PDCL2: variants seen among roughly 807,000 people sequenced by gnomAD.
PDCL2 encodes the protein phosducin-like protein 2.
A neutral mutation model predicts 30.3 loss-of-function variants in PDCL2; 23 were observed. The ratio of observed to expected loss-of-function variants is 0.76; its 90% confidence interval spans 0.55 to 1.08. The LOEUF (loss-of-function observed/expected upper bound fraction) is 1.08, where lower values mean the gene tolerates loss of function less well. Ranked by LOEUF, PDCL2 falls within the 50% of genes least tolerant of loss-of-function variation. The pLI, the probability that PDCL2 is intolerant of heterozygous loss-of-function variation, is 0.00. For missense variants in PDCL2, 243 were observed against 282.3 expected (o/e 0.86, Z 1.00); for synonymous variants, 68 against 86.2 (o/e 0.79, Z 1.17).
intron 4 of PDCL2, among the ~76,000 whole-genome samples, chr4:55,566,128 C>T (rs1732261069): frequency 6.6e-6 from 1 of 151,764 alleles, no homozygotes; most frequent in Non-Finnish European, 1.5e-5. Flanking sequence ...TATAGGGACA[C>T]ATCACCATGC....
chr4:55,562,993 CCAT>C (rs1488483875), intron 4 of PDCL2, among the ~76,000 whole-genome samples: 1 of 151,984 alleles, frequency 6.6e-6, no homozygotes, highest in Non-Finnish European at 1.5e-5. Flanking sequence ...ACCCTTGCTG[CCAT>C]CATGAGCTTC....
intron 5 of PDCL2, 81 bp downstream of exon 5, chr4:55,562,323 A>G (rs1732154516): frequency 1.0e-6 from 1 of 958,644 alleles, no homozygotes; most frequent in African/African-American, 1.7e-5. Context: ...CCTTGGTACT[A>G]AGGAAGTAAG....
Position 55,562,709 on chromosome 4 carries a change from T to C in PDCL2, c.363-97A>G, listed in dbSNP as rs1030179791. ...ATATCGCCATGGCAAAAATATATCT[T>C]AGATTAATATAAAAGCACATTATTA... On this transcript the variant is annotated intron_variant, in intron 4 of 5. Coordinates refer to ENST00000295645, the MANE Select transcript of PDCL2 (RefSeq NM_152401.3). The C allele has an allele frequency of 6.7e-6, 5 of 748,334 alleles. No individual in the cohort carries two copies. The Admixed American group carries it at 1.5e-4, about 22-fold the overall frequency. The allele number at this position is 748,334 out of a possible 1,614,324, so 46.4% of individuals were successfully genotyped here.
At chr4:55,572,808 C>T (rs1054547945) in intron 3 of PDCL2, among the ~76,000 whole-genome samples, 6 of 152,010 alleles carry the variant, frequency 3.9e-5, no homozygotes, top group African/African-American at 7.3e-5. Context: ...TCGCCCAGGC[C>T]GGAGTGCAGT....
chr4:55,582,301 T>C (rs1158762090), intron 1 of PDCL2, 64 bp from the exon 2 acceptor site: 1 of 1,461,134 alleles, frequency 6.8e-7, no homozygotes, highest in Non-Finnish European at 9.1e-7. Context: ...ATTTGGAAAA[T>C]TCATTAAGAT....
At chr4:55,571,471 A>AGGGCAGGAGATCGAGACCATCCTG (rs1291701184) in intron 3 of PDCL2, among the ~76,000 whole-genome samples, 8 of 150,172 alleles carry the variant, frequency 5.3e-5, no homozygotes, top group Admixed American at 3.4e-4. Context: ...GCAGATCACG[A>AGGGCAGGAGATCGAGACCATCCTG]GGGCAGGAGA....
intron 4 of PDCL2, among the ~76,000 whole-genome samples, chr4:55,563,013 T>C (rs769755791): frequency 1.3e-5 from 2 of 152,138 alleles, no homozygotes; most frequent in Non-Finnish European, 2.9e-5. Flanking sequence ...CTTCTTTCCA[T>C]GTAATGAGTT....
chr4:55,589,651 A>G (rs1732949297), intron 1 of PDCL2, among the ~76,000 whole-genome samples: 1 of 152,218 alleles, frequency 6.6e-6, no homozygotes, highest in African/African-American at 2.4e-5. Flanking sequence ...TTCCACCTCA[A>G]ATAATTTTCT....
intron 1 of PDCL2, among the ~76,000 whole-genome samples, chr4:55,590,416 G>A (rs1374546581): frequency 7.1e-6 from 1 of 140,032 alleles, no homozygotes; most frequent in Admixed American, 7.5e-5. Context: ...GGTTGATCAT[G>A]TCACTGCACT....
chr4:55,560,447 A>G (rs546756670), intron 5 of PDCL2, among the ~76,000 whole-genome samples: 2 of 152,254 alleles, frequency 1.3e-5, no homozygotes, highest in South Asian at 4.1e-4. Flanking sequence ...CATCTCTACT[A>G]TAAAATTTTT....
chr4:55,560,518 A>C (rs1176889259), intron 5 of PDCL2, among the ~76,000 whole-genome samples: 1 of 152,106 alleles, frequency 6.6e-6, no homozygotes, highest in Non-Finnish European at 1.5e-5. Flanking sequence ...AGGAGGCTAA[A>C]GTGGGAGGAT....
chr4:55,573,779 G>A (rs1732491339), intron 3 of PDCL2, among the ~76,000 whole-genome samples: 1 of 151,370 alleles, frequency 6.6e-6, no homozygotes, highest in Non-Finnish European at 1.5e-5. Flanking sequence ...AAACAGACAT[G>A]ATAGTGAACA....
intron 3 of PDCL2, among the ~76,000 whole-genome samples, chr4:55,571,566 G>A (rs1415777176): frequency 6.1e-5 from 5 of 81,376 alleles, no homozygotes; most frequent in African/African-American, 1.2e-4. Flanking sequence ...GGGCGCCTGT[G>A]GTCCCAGCTA....
At chr4:55,562,769 T>C (rs1255580073) in intron 4 of PDCL2, among the ~76,000 whole-genome samples, 157 bp from the exon 5 acceptor site, 1 of 152,180 alleles carries the variant, frequency 6.6e-6, no homozygotes, top group Non-Finnish European at 1.5e-5. Context: ...AATGAAGAAC[T>C]GTATGTAGAG....
chr4:55,592,114 C>A lies in PDCL2; in HGVS notation c.-5G>T. 6.2e-7 allele frequency: 1 copy of A among 1,609,242 alleles called. No individual in the cohort carries two copies. The highest frequency in any genetic ancestry group is 1.3e-5 in the African/African-American group (1 of 74,878). On this transcript the variant is annotated 5_prime_UTR_variant, in exon 1 of 6. Coordinates refer to ENST00000295645, the MANE Select transcript of PDCL2 (RefSeq NM_152401.3). Reference sequence around the variant, plus strand: ...GGTCCCGACCCTCACCTGCATGATGCGCTGCTCTGCCCCTCAAGAGCCCGC... The same window carrying A: ...GGTCCCGACCCTCACCTGCATGATGAGCTGCTCTGCCCCTCAAGAGCCCGC...
intron 4 of PDCL2, among the ~76,000 whole-genome samples, chr4:55,568,919 G>A (rs1299078460): frequency 6.6e-6 from 1 of 152,076 alleles, no homozygotes; most frequent in Non-Finnish European, 1.5e-5. Flanking sequence ...TCAACAAGTT[G>A]AATACATAGT....
chr4:55,583,108 T>C (rs1732770121), intron 1 of PDCL2, among the ~76,000 whole-genome samples: 1 of 152,124 alleles, frequency 6.6e-6, no homozygotes, highest in African/African-American at 2.4e-5. Context: ...CCTGAGTAGC[T>C]GAGACTACAG....
At chr4:55,590,121 C>T (rs568973206) in intron 1 of PDCL2, among the ~76,000 whole-genome samples, 140 of 122,574 alleles carry the variant, frequency 1.1e-3, no homozygotes, top group African/African-American at 3.7e-3. Context: ...TGCTTGAACC[C>T]GGGAGGTGGA....
At position 55,556,631 on chromosome 4, in the gene PDCL2, T is replaced by G; in HGVS notation, c.652A>C (p.Met218Leu). Residue 218 changes from methionine (M) to leucine (L), a missense_variant, in exon 6 of 6, where the codon ATG becomes CTG. Transcript: ENST00000295645. ...GAAGTGTTTCTAATTGAAGATACCA[T>G]CATATCTACCATGTCTTTTCTGGGG... Reference protein sequence around the residue: ...ENPRKDMVDMMVSSIRNTSIH... With the variant: ...ENPRKDMVDMLVSSIRNTSIH... 6.4e-7 allele frequency: 1 copy of G among 1,573,800 alleles called. No individual in the cohort carries two copies. Among genetic ancestry groups the G allele is most frequent in the Non-Finnish European group, 8.6e-7 (1 of 1,156,608 alleles).
Sources: allele counts gnomAD v4.1 joint callset (sites outside exome capture counted in the v4.1 genomes callset), GRCh38; gene constraint gnomAD v4.1.1; transcripts MANE v1.5; gene names NCBI Gene and HGNC (gene_info 2026-07-23, HGNC 2026-07-21).